Variants in POFUT3 observed in about 807,000 individuals in gnomAD.
POFUT3 encodes the protein GDP-fucose protein O-fucosyltransferase 3.
At chr8:33,450,846 T>C in the POFUT3 span, among the ~76,000 whole-genome samples, 1 of 152,184 alleles carries the variant, frequency 6.6e-6, no homozygotes, top group Non-Finnish European at 1.5e-5. Context: ...CATGACTCTG[T>C]AGATCTGTGA....
chr8:33,441,272 A>G, the POFUT3 span, among the ~76,000 whole-genome samples: 1 of 148,126 alleles, frequency 6.8e-6, no homozygotes, highest in East Asian at 2.1e-4. Context: ...CAGAGGTTGC[A>G]GTGAGCCGAG....
the POFUT3 span, among the ~76,000 whole-genome samples, chr8:33,335,256 A>G: frequency 6.6e-6 from 1 of 152,072 alleles, no homozygotes; most frequent in African/African-American, 2.4e-5. Context: ...TTTATTATAA[A>G]TTCTATATAG....
chr8:33,445,889 C>T, the POFUT3 span, among the ~76,000 whole-genome samples: 1 of 152,088 alleles, frequency 6.6e-6, no homozygotes, highest in African/African-American at 2.4e-5. Context: ...CCAGAAACCA[C>T]CTCAGAATAA....
chr8:33,381,257 A>G, the POFUT3 span, among the ~76,000 whole-genome samples: 5 of 152,262 alleles, frequency 3.3e-5, no homozygotes, highest in Non-Finnish European at 7.3e-5. Context: ...TGTTTTGTTC[A>G]GCTTAAATAC....
chr8:33,418,161 G>A, the POFUT3 span, among the ~76,000 whole-genome samples: 1 of 152,072 alleles, frequency 6.6e-6, no homozygotes, highest in Non-Finnish European at 1.5e-5. Flanking sequence ...CCATATTTGT[G>A]GCACCCCAGT....
At chr8:33,448,302 G>T in the POFUT3 span, among the ~76,000 whole-genome samples, 1 of 152,036 alleles carries the variant, frequency 6.6e-6, no homozygotes, top group Admixed American at 6.6e-5. Context: ...TCTAACTCCA[G>T]TGACTCCTCA....
At chr8:33,365,571 C>G in the POFUT3 span, among the ~76,000 whole-genome samples, 2 of 147,570 alleles carry the variant, frequency 1.4e-5, no homozygotes, top group Non-Finnish European at 3.0e-5. Context: ...AAGAAAAAAA[C>G]AACCCCATCA....
the POFUT3 span, among the ~76,000 whole-genome samples, chr8:33,311,087 A>C: frequency 1.3e-5 from 2 of 152,142 alleles, no homozygotes; most frequent in African/African-American, 4.8e-5. Flanking sequence ...GGGAGAAAGG[A>C]CCTGGTTTTT....
At chr8:33,308,506 T>G in the POFUT3 span, among the ~76,000 whole-genome samples, 1 of 152,134 alleles carries the variant, frequency 6.6e-6, no homozygotes, top group Admixed American at 6.5e-5. Context: ...AGCCCTAACA[T>G]TCTAAAGCAT....
At chr8:33,411,788 C>CA in the POFUT3 span, among the ~76,000 whole-genome samples, 3 of 150,174 alleles carry the variant, frequency 2.0e-5, no homozygotes, top group East Asian at 1.9e-4. Context: ...AACTCCATCT[C>CA]AAAAAAAAAT....
chr8:33,416,715 G>A, the POFUT3 span, among the ~76,000 whole-genome samples: 27 of 151,542 alleles, frequency 1.8e-4, no homozygotes, highest in East Asian at 1.4e-3. Context: ...GTGTGGTGCC[G>A]CATGCCTGTA....
At chr8:33,356,615 G>T in the POFUT3 span, among the ~76,000 whole-genome samples, 1 of 151,662 alleles carries the variant, frequency 6.6e-6, no homozygotes, top group African/African-American at 2.4e-5. Context: ...CTCCCATTTT[G>T]TAGGTTGCCT....
At chr8:33,396,105 A>T in the POFUT3 span, among the ~76,000 whole-genome samples, 1 of 152,182 alleles carries the variant, frequency 6.6e-6, no homozygotes, top group Admixed American at 6.5e-5. Flanking sequence ...CGATAGTAGC[A>T]GTGACAATAA....
the POFUT3 span, among the ~76,000 whole-genome samples, chr8:33,344,315 A>T: frequency 6.6e-6 from 1 of 152,218 alleles, no homozygotes; most frequent in African/African-American, 2.4e-5. Context: ...ATGTGAATTC[A>T]TTACTGGCTA....
chr8:33,424,734 A>C, the POFUT3 span, among the ~76,000 whole-genome samples: 40 of 152,198 alleles, frequency 2.6e-4, no homozygotes, highest in African/African-American at 9.6e-4. Context: ...AAACAGCCTG[A>C]CAAACTGGAT....
At chr8:33,350,004 G>A in the POFUT3 span, among the ~76,000 whole-genome samples, 2 of 151,956 alleles carry the variant, frequency 1.3e-5, no homozygotes, top group Admixed American at 1.3e-4. Context: ...GAGTAAGGTG[G>A]TATCTCATTA....
At chr8:33,403,826 G>C in the POFUT3 span, among the ~76,000 whole-genome samples, 1 of 152,096 alleles carries the variant, frequency 6.6e-6, no homozygotes, top group Non-Finnish European at 1.5e-5. Flanking sequence ...ATCCTGTAGA[G>C]ACTGGGGTTC....
chr8:33,439,750 C>T, the POFUT3 span, among the ~76,000 whole-genome samples: 1 of 151,918 alleles, frequency 6.6e-6, no homozygotes, highest in East Asian at 1.9e-4. Flanking sequence ...ACCTATAATC[C>T]CAACTACTTG....
At chr8:33,395,992 A>G in the POFUT3 span, among the ~76,000 whole-genome samples, 125 of 152,332 alleles carry the variant, frequency 8.2e-4, 1 homozygote, top group Non-Finnish European at 2.8e-4. Context: ...TCCAATTCTC[A>G]TGTAGCAGAG....
Sources: allele counts gnomAD v4.1 joint callset (sites outside exome capture counted in the v4.1 genomes callset), GRCh38; gene constraint gnomAD v4.1.1; transcripts MANE v1.5; gene names NCBI Gene and HGNC (gene_info 2026-07-23, HGNC 2026-07-21).